KIRREL3: variants seen among roughly 807,000 people sequenced by gnomAD.
KIRREL3 encodes the protein kirre like nephrin family adhesion molecule 3.
In KIRREL3, 36 loss-of-function variants were observed where a neutral mutation model predicts 89.7. The ratio of observed to expected loss-of-function variants is 0.40; its 90% CI spans 0.31 to 0.53. The LOEUF (loss-of-function observed/expected upper bound fraction) is 0.53, where lower values mean the gene tolerates loss of function less well. Ranked by LOEUF, KIRREL3 falls within the 20% of genes least tolerant of loss-of-function variation. The probability of loss-of-function intolerance (pLI) is 0.49; values close to 1 mark genes in which losing one functional copy is unlikely to be tolerated. For synonymous variants in KIRREL3, 445 were observed against 441.4 expected, an observed-to-expected ratio of 1.01 and a Z score of -0.10; for missense variants, 864 against 1,056.6, an observed-to-expected ratio of 0.82 and a Z score of 2.53.
In KIRREL3 at chr11:126,896,690, T is replaced by C. The variant is rs1946172041; in HGVS notation, c.55+103765A>G. Among the ~76,000 whole-genome samples the C allele has an allele frequency of 6.6e-6, 1 of 152,134 alleles. No individual in the cohort carries two copies. The highest frequency in any genetic ancestry group is 1.5e-5 in the Non-Finnish European group (1 of 68,028). ...TTAATTCTTTTGAGGGCCGTTGCTC[T>C]TCTCAGACACCCAGGGGAGGGGTTC... On this transcript the variant is annotated intron_variant, in intron 1 of 16. Transcript: ENST00000525144. This position sits in a 1 kb window ranked among gnomAD's most constrained non-coding sequence, Gnocchi z 4.1.
At chr11:126,863,200 C>T (rs190674028) in intron 1 of KIRREL3, among the ~76,000 whole-genome samples, 41 of 152,352 alleles carry the variant, frequency 2.7e-4, no homozygotes, top group African/African-American at 7.9e-4. Context: ...TGGCTTGGAA[C>T]GTGCTACCTG....
intron 1 of KIRREL3, among the ~76,000 whole-genome samples, chr11:126,862,913 G>A (rs1444624477): frequency 3.3e-5 from 5 of 152,314 alleles, no homozygotes; most frequent in East Asian, 1.9e-4. Context: ...GTTTCTCACC[G>A]TGGCTTTCTG....
rs1946855370 is a variant in KIRREL3, at chr11:126,912,272, C to G, written c.55+88183G>C. ...ACCCTTCACCTTCAAGCAGGCTAAA[C>G]CGGCCGAGAGTGGCTCTGAGGACCT... is the stretch of plus-strand genomic sequence containing the variant. On this transcript the variant is annotated intron_variant, in intron 1 of 16. Transcript: ENST00000525144. The surrounding 1 kb of genome is among the most constrained non-coding windows in gnomAD (Gnocchi z 4.7). Among the ~76,000 whole-genome samples, 1 of 152,128 alleles carries G rather than the reference C, an allele frequency of 6.6e-6. No individual in the cohort carries two copies. The highest frequency in any genetic ancestry group is 2.1e-4 in the South Asian group (1 of 4,830).
chr11:126,560,713 G>A (rs996471261), intron 2 of KIRREL3, among the ~76,000 whole-genome samples: 1 of 152,190 alleles, frequency 6.6e-6, no homozygotes, highest in Non-Finnish European at 1.5e-5. Context: ...CTTTAATACA[G>A]CACAAGTAGG....
At chr11:126,698,742 C>T (rs1193978356) in intron 1 of KIRREL3, among the ~76,000 whole-genome samples, 2 of 152,230 alleles carry the variant, frequency 1.3e-5, no homozygotes, top group Non-Finnish European at 2.9e-5. Context: ...CGCTGCCCAG[C>T]GCCCAAATCC....
At chr11:126,618,140 G>C (rs953948973) in intron 1 of KIRREL3, among the ~76,000 whole-genome samples, 10 of 152,164 alleles carry the variant, frequency 6.6e-5, no homozygotes, top group African/African-American at 2.4e-4. Context: ...CTCTCCTCCT[G>C]CTCTGGCCAT....
rs998376035 is a variant in KIRREL3, at chr11:126,883,557, G to A, written c.55+116898C>T. Among the ~76,000 whole-genome samples the A allele has an allele frequency of 3.9e-5, 6 of 152,060 alleles. No individual in the cohort carries two copies. The highest frequency in any genetic ancestry group is 1.2e-4 in the African/African-American group (5 of 41,394). On this transcript the variant is annotated intron_variant, in intron 1 of 16. Transcript: ENST00000525144. The surrounding 1 kb of genome is among the most constrained non-coding windows in gnomAD (Gnocchi z 4.1). ...GGAAAAAATCCAAACCTTTGATGAAGTTTGGGTAAAGTCACTTTCTGCAGT... is the reference window on the plus strand; with the variant it reads ...GGAAAAAATCCAAACCTTTGATGAAATTTGGGTAAAGTCACTTTCTGCAGT...
rs580382 is a variant in KIRREL3 at position 126,568,216 on chromosome 11, C to T, written c.56-5304G>A. The stretch of plus-strand genomic sequence containing the variant: ...TCTCTCTTAAAGGAGGTGGGAGCCA[C>T]GCAGAATGCTAGGCAGGGGAAAGAC... On this transcript the variant is annotated intron_variant, in intron 1 of 16. Coordinates refer to ENST00000525144, the MANE Select transcript of KIRREL3 (RefSeq NM_032531.4). This position sits in a 1 kb window ranked among gnomAD's most constrained non-coding sequence, Gnocchi z 4.6. Among the ~76,000 whole-genome samples, 55,643 of 151,422 alleles carry T rather than the reference C, an allele frequency of 0.37. 10,609 individuals are homozygous for T. The highest frequency in any genetic ancestry group is 0.46 in the Admixed American group (6,992 of 15,236).
At position 126,904,554 on chromosome 11, in the gene KIRREL3, C is replaced by A. The variant is rs1175052638; in HGVS notation, c.55+95901G>T. On this transcript the variant is annotated intron_variant, in intron 1 of 16. Coordinates refer to ENST00000525144, the MANE Select transcript of KIRREL3 (RefSeq NM_032531.4). The surrounding 1 kb of genome is among the most constrained non-coding windows in gnomAD (Gnocchi z 4.4). ...AAAACTTCTTAGCCACACTTCTTAG[C>A]TCAGCTGCTGATGGCTTCCTACTAA... Among the ~76,000 whole-genome samples the A allele has an allele frequency of 1.3e-5, 2 of 152,188 alleles. No individual in the cohort carries two copies. Among genetic ancestry groups the A allele is most frequent in the Non-Finnish European group, 2.9e-5 (2 of 68,040 alleles).
At chr11:126,855,261 G>A (rs934223679) in intron 1 of KIRREL3, among the ~76,000 whole-genome samples, 6 of 152,192 alleles carry the variant, frequency 3.9e-5, no homozygotes, top group African/African-American at 7.2e-5. Context: ...GGGCAGATTC[G>A]CCCTTGCGTT....
At chr11:126,779,398 T>C (rs1203726080) in intron 1 of KIRREL3, among the ~76,000 whole-genome samples, 2 of 152,176 alleles carry the variant, frequency 1.3e-5, no homozygotes, top group African/African-American at 4.8e-5. Flanking sequence ...GTTGTCTCCC[T>C]TCCTCCCTTG....
chr11:126,830,575 C>T lies in KIRREL3; in HGVS notation c.55+169880G>A, dbSNP rs1011446215. 5.3e-5 allele frequency among the ~76,000 whole-genome samples: 8 copies of T among 152,198 alleles called. No individual in the cohort carries two copies. Among genetic ancestry groups the T allele is most frequent in the African/African-American group, 1.9e-4 (8 of 41,444 alleles). On this transcript the variant is annotated intron_variant, in intron 1 of 16. Coordinates refer to ENST00000525144, the MANE Select transcript of KIRREL3 (RefSeq NM_032531.4). The surrounding 1 kb of genome is among the most constrained non-coding windows in gnomAD (Gnocchi z 4.9). The stretch of plus-strand genomic sequence containing the variant: ...CTGGATTCTACAGGTGGCTCGGTGA[C>T]AGTCATCTCTTAGTGTTTCGATTTT...
rs191244005 is a variant in KIRREL3 at position 126,538,293 on chromosome 11, G to C, written c.134-11606C>G. ...GAGAAGGCTTAAGAATACTTATACT[G>C]GGGTTATTTATTGCCGGCTTTCTCC... On this transcript the variant is annotated intron_variant, in intron 2 of 16. Transcript: ENST00000525144. Among the ~76,000 whole-genome samples, 264 of 152,292 alleles carry C rather than the reference G, an allele frequency of 1.7e-3. 1 individual carries two copies. Among genetic ancestry groups the C allele is most frequent in the African/African-American group, 5.8e-3 (242 of 41,562 alleles).
At chr11:126,680,397 GATAT>G (rs150251599) in intron 1 of KIRREL3, among the ~76,000 whole-genome samples, 3 of 144,112 alleles carry the variant, frequency 2.1e-5, no homozygotes, top group African/African-American at 2.7e-5. Flanking sequence ...TTCTACTGGA[GATAT>G]ATATATATAT....
At position 126,807,856 on chromosome 11, in the gene KIRREL3, C is replaced by A. The variant is rs945856042; in HGVS notation, c.55+192599G>T. On this transcript the variant is annotated intron_variant, in intron 1 of 16. Coordinates refer to ENST00000525144, the MANE Select transcript of KIRREL3 (RefSeq NM_032531.4). The surrounding 1 kb of genome is among the most constrained non-coding windows in gnomAD (Gnocchi z 4.3). Reference sequence around the variant, plus strand: ...GTTAGGCACTTTACATATATTGTCTCAAATAATAGTCCTCATAGGAAGGTG... The same window carrying A: ...GTTAGGCACTTTACATATATTGTCTAAAATAATAGTCCTCATAGGAAGGTG... Among the ~76,000 whole-genome samples the A allele has an allele frequency of 2.6e-5, 4 of 152,166 alleles. No homozygotes were observed. The highest frequency in any genetic ancestry group is 5.9e-5 in the Non-Finnish European group (4 of 68,046).
chr11:126,922,046 C>T (rs1206083087), intron 1 of KIRREL3, among the ~76,000 whole-genome samples: 1 of 151,312 alleles, frequency 6.6e-6, no homozygotes, highest in African/African-American at 2.4e-5. Context: ...ATCTATCTTC[C>T]TATCTATCTA....
chr11:126,630,752 T>G (rs1319158771), intron 1 of KIRREL3, among the ~76,000 whole-genome samples: 1 of 152,200 alleles, frequency 6.6e-6, no homozygotes, highest in Non-Finnish European at 1.5e-5. Flanking sequence ...CTTTGACTCC[T>G]GATTGGCCCT....
At chr11:126,618,431 C>CT (rs113469058) in intron 1 of KIRREL3, among the ~76,000 whole-genome samples, 3,401 of 151,658 alleles carry the variant, frequency 0.022, 124 homozygotes, top group African/African-American at 0.076. Flanking sequence ...TTTTGTCTTT[C>CT]TTTTTTTTTG....
chr11:126,942,173 G>A (rs904893964), intron 1 of KIRREL3, among the ~76,000 whole-genome samples: 2 of 152,146 alleles, frequency 1.3e-5, no homozygotes, highest in African/African-American at 4.8e-5. Flanking sequence ...GAGCTTCATA[G>A]CTGTAATCAA....
Sources: allele counts gnomAD v4.1 joint callset (sites outside exome capture counted in the v4.1 genomes callset), GRCh38; gene constraint gnomAD v4.1.1; non-coding constraint Gnocchi (gnomAD v3.1); transcripts MANE v1.5; gene names NCBI Gene and HGNC (gene_info 2026-07-23, HGNC 2026-07-21).